The following RINT1 variants were observed in gnomAD, a reference collection of about 807,000 sequenced individuals.
RINT1 encodes the protein RAD50-interacting protein 1.
RINT1 carries 75 observed loss-of-function variants against 97.7 expected under a neutral mutation model. The observed-to-expected ratio is 0.77, with a 90% CI of 0.64 to 0.93. The LOEUF (loss-of-function observed/expected upper bound fraction) is 0.93. Ranked by LOEUF, RINT1 falls within the 40% of genes least tolerant of loss-of-function variation. RINT1 has a pLI of 0.00. For synonymous variants in RINT1, 303 were observed against 326.3 expected, an observed-to-expected ratio of 0.93 and a Z score of 0.77; for missense variants, 892 against 925.2, an observed-to-expected ratio of 0.96 and a Z score of 0.47.
chr7:105,555,551 T>A (rs1791144146), intron 11 of RINT1, among the ~76,000 whole-genome samples: 1 of 152,188 alleles, frequency 6.6e-6, no homozygotes, highest in Non-Finnish European at 1.5e-5. Flanking sequence ...AATAATGATG[T>A]CAAAAGCAAT....
At chr7:105,557,892 TA>T (rs1268177634) in intron 11 of RINT1, among the ~76,000 whole-genome samples, 3 of 152,168 alleles carry the variant, frequency 2.0e-5, no homozygotes, top group Non-Finnish European at 4.4e-5. Context: ...AGTAATTAGT[TA>T]AAGTTTTTTT....
intron 2 of RINT1, chr7:105,535,624 C>G (rs2133355696): frequency 4.4e-6 from 2 of 452,794 alleles, no homozygotes; most frequent in East Asian, 1.4e-4. Context: ...GAGATCATGG[C>G]TCACTGCAGC....
intron 4 of RINT1, among the ~76,000 whole-genome samples, chr7:105,543,796 A>C (rs1418388831): frequency 1.3e-5 from 2 of 152,036 alleles, no homozygotes; most frequent in Admixed American, 1.3e-4. Context: ...TAATATAGAA[A>C]TCTTTGTTTT....
intron 2 of RINT1, 110 bp downstream of exon 2, chr7:105,532,979 C>G (rs1414113619): frequency 1.1e-6 from 1 of 934,036 alleles, no homozygotes; most frequent in Non-Finnish European, 1.8e-6. Flanking sequence ...GTACCGTTTT[C>G]TGCACAATAT....
At chr7:105,556,757 G>C (rs1191013749) in intron 11 of RINT1, among the ~76,000 whole-genome samples, 2 of 152,066 alleles carry the variant, frequency 1.3e-5, no homozygotes. Context: ...TAATTATTAA[G>C]TAGTAATTTA....
At chr7:105,555,262 ACT>A in intron 11 of RINT1, 35 bp downstream of exon 11, 1 of 1,495,876 alleles carries the variant, frequency 6.7e-7, no homozygotes, top group Non-Finnish European at 9.2e-7. Context: ...AGTAATATAT[ACT>A]AGTTCGAACT....
chr7:105,548,754 A>G, intron 7 of RINT1, 44 bp downstream of exon 7: 2 of 1,544,146 alleles, frequency 1.3e-6, no homozygotes, highest in Non-Finnish European at 1.8e-6. Context: ...TTGGTAACAA[A>G]TGTTAGAGTT....
At chr7:105,557,770 T>C (rs911695589) in intron 11 of RINT1, among the ~76,000 whole-genome samples, 33 of 151,928 alleles carry the variant, frequency 2.2e-4, no homozygotes, top group African/African-American at 8.0e-4. Context: ...GCCAAATAAA[T>C]AGGGGGCAAA....
intron 12 of RINT1, chr7:105,565,020 G>A: frequency 3.1e-6 from 1 of 323,588 alleles, no homozygotes; most frequent in East Asian, 5.1e-5. Flanking sequence ...ATTTTAAATT[G>A]TAATTGCCTT....
intron 11 of RINT1, among the ~76,000 whole-genome samples, chr7:105,559,269 G>A (rs1013814297): frequency 2.6e-5 from 4 of 151,924 alleles, no homozygotes; most frequent in Admixed American, 1.3e-4. Flanking sequence ...GGCTGGGCAC[G>A]GTAGTTGTCG....
chr7:105,535,405 T>A (rs1728652), intron 2 of RINT1, among the ~76,000 whole-genome samples: 4,267 of 152,008 alleles, frequency 0.028, 196 homozygotes, highest in African/African-American at 0.097. Flanking sequence ...AATTTTTGTA[T>A]TTTTAGTAGA....
At chr7:105,562,825 C>T (rs750116850) in intron 11 of RINT1, among the ~76,000 whole-genome samples, 3 of 152,144 alleles carry the variant, frequency 2.0e-5, no homozygotes, top group Non-Finnish European at 4.4e-5. Flanking sequence ...ATCGCTTGAA[C>T]CCGGGAGGCG....
intron 1 of RINT1, 34 bp from the exon 2 acceptor site, chr7:105,532,790 C>A (rs958157293): frequency 1.2e-6 from 2 of 1,612,470 alleles, no homozygotes; most frequent in African/African-American, 2.7e-5. Context: ...CGACTTTAAT[C>A]TTAATGTGCT....
rs776924728 is a variant in RINT1 at position 105,553,887 on chromosome 7, A to ATTTTTTTTTT, written c.1472-1121_1472-1112dup. Among the ~76,000 whole-genome samples, 5 of 71,152 alleles carry ATTTTTTTTTT rather than the reference A, an allele frequency of 7.0e-5. 1 individual carries two copies. The highest frequency in any genetic ancestry group is 1.3e-4 in the Non-Finnish European group (5 of 37,748). The allele number at this position is 71,152 out of a possible 152,430, so 46.7% of individuals were successfully genotyped here. A position where few individuals can be genotyped will look rare whatever the true frequency, so the allele number is the denominator to read the frequency against. ...AGGCACCCGTCACCATACCCAGCTA[A>ATTTTTTTTTT]TTTTTTTTTTTTTTTTTTTTTTTTT... On this transcript the variant is annotated intron_variant, in intron 10 of 14. Transcript: ENST00000257700.
intron 3 of RINT1, among the ~76,000 whole-genome samples, chr7:105,540,781 CTGGGGTATGT>C (rs1794910358): frequency 6.6e-6 from 1 of 151,596 alleles, no homozygotes; most frequent in Non-Finnish European, 1.5e-5. Flanking sequence ...TCAGAATCAC[CTGGGGTATGT>C]TGGCAAAATA....
chr7:105,567,507 A>G lies in RINT1; in HGVS notation c.*196A>G. On this transcript the variant is annotated 3_prime_UTR_variant, in exon 15 of 15. Transcript: ENST00000257700. ...CTCTTGTTCCTAAGGAAACAAAAAC[A>G]GAAAACGAAACAATGAAAACTCAAT... 1 of 693,442 alleles carries G rather than the reference A, an allele frequency of 1.4e-6. No individual in the cohort carries two copies. Among genetic ancestry groups the G allele is most frequent in the Non-Finnish European group, 2.6e-6 (1 of 385,042 alleles). The allele number at this position is 693,442 out of a possible 1,614,324, so 43.0% of individuals were successfully genotyped here.
intron 11 of RINT1, among the ~76,000 whole-genome samples, chr7:105,559,114 G>A (rs186788156): frequency 6.6e-6 from 1 of 152,182 alleles, no homozygotes; most frequent in Admixed American, 6.5e-5. Context: ...TGCAAATCTG[G>A]CCGGGTGTGG....
chr7:105,539,081 C>G (rs921062479), intron 3 of RINT1, among the ~76,000 whole-genome samples: 37 of 152,126 alleles, frequency 2.4e-4, no homozygotes, highest in Non-Finnish European at 2.6e-4. Context: ...CATCTTTTAC[C>G]CACTGTAATC....
rs79858161 is a variant in RINT1, at chr7:105,563,898, C to A, written c.1837C>A (p.His613Asn). 3.1e-6 allele frequency: 5 copies of A among 1,613,942 alleles called. No homozygotes were observed. The Admixed American group carries it at 8.3e-5, about 27-fold the overall frequency. The change falls in exon 12 of 15, where the codon CAC becomes AAC. Residue 613 changes from histidine (H) to asparagine (N), a missense_variant. Transcript: ENST00000257700. ...TGATATGTTGACCCGTCAAGTAGAC[C>A]ACGTTTTTAGAGAAGTTAAAGATGC... ...KHDMLTRQVD[H>N]VFREVKDAAK...
Sources: allele counts gnomAD v4.1 joint callset (sites outside exome capture counted in the v4.1 genomes callset), GRCh38; gene constraint gnomAD v4.1.1; transcripts MANE v1.5; gene names NCBI Gene and HGNC (gene_info 2026-07-23, HGNC 2026-07-21).